UBR4: variants seen among roughly 807,000 people sequenced by gnomAD.
UBR4 encodes the protein ubiquitin protein ligase E3 component n-recognin 4.
A neutral mutation model predicts 575.6 loss-of-function variants in UBR4; 124 were observed. That is an observed-to-expected ratio of 0.22 (90% CI 0.19 to 0.25). The LOEUF is 0.25. UBR4 is among the 10% of genes least tolerant of loss of function. The pLI, the probability that UBR4 is intolerant of heterozygous loss-of-function variation, is 1.00. For synonymous variants in UBR4, 2,455 were observed against 2,473.7 expected (o/e 0.99, Z 0.22); for missense variants, 4,818 against 6,478.8 (o/e 0.74, Z 8.80).
At chr1:19,127,122 T>TA (rs1202352643) in intron 63 of UBR4, among the ~76,000 whole-genome samples, 2 of 152,060 alleles carry the variant, frequency 1.3e-5, no homozygotes, top group East Asian at 1.9e-4. Context: ...ATCACATGCA[T>TA]AAAAAAGGAG....
Position 19,209,161 on chromosome 1 carries a change from T to C in UBR4, c.176+912A>G, listed in dbSNP as rs562349624. Among the ~76,000 whole-genome samples the C allele has an allele frequency of 3.6e-4, 55 of 152,348 alleles. No homozygotes were observed. The South Asian group carries it at 0.011, about 30-fold the overall frequency. ...TTAACCTCTGGATAGCAGCTAGATATACCCTTGTCATCGTGAAGCTAAAAT... is the reference window on the plus strand; with the variant it reads ...TTAACCTCTGGATAGCAGCTAGATACACCCTTGTCATCGTGAAGCTAAAAT... On this transcript the variant is annotated intron_variant, in intron 1 of 105. Coordinates refer to ENST00000375254, the MANE Select transcript of UBR4 (RefSeq NM_020765.3).
chr1:19,200,850 A>T (rs1398584221), intron 2 of UBR4, among the ~76,000 whole-genome samples: 1 of 152,194 alleles, frequency 6.6e-6, no homozygotes, highest in Non-Finnish European at 1.5e-5. Context: ...TTGCTTAGCA[A>T]ACTGTTCAAA....
At chr1:19,137,839 C>T (rs980289347) in intron 60 of UBR4, among the ~76,000 whole-genome samples, 168 bp downstream of exon 60, 1 of 152,194 alleles carries the variant, frequency 6.6e-6, no homozygotes, top group African/African-American at 2.4e-5. Flanking sequence ...CAAAGACAGA[C>T]CTAGAGCACT....
chr1:19,096,500 A>T (rs762934839), intron 92 of UBR4, 23 bp downstream of exon 92: 18 of 1,608,008 alleles, frequency 1.1e-5, no homozygotes, highest in Non-Finnish European at 1.5e-5. Flanking sequence ...GCTGGCCCCC[A>T]CAACTTGCTG....
At chr1:19,115,301 A>G (rs12143414) in intron 74 of UBR4, 97 bp downstream of exon 74, 3 of 1,500,512 alleles carry the variant, frequency 2.0e-6, no homozygotes, top group African/African-American at 1.4e-5. Flanking sequence ...AAATGTTCTG[A>G]GGGAATCAGA....
At chr1:19,103,522 G>A (rs1008342679) in intron 87 of UBR4, among the ~76,000 whole-genome samples, 1 of 152,114 alleles carries the variant, frequency 6.6e-6, no homozygotes, top group African/African-American at 2.4e-5. Context: ...CCAAGATCGC[G>A]TCACTGCACT....
rs545538330 is a variant in UBR4, at chr1:19,079,281, C to T, written c.15234-1215G>A. 3 of 152,246 alleles carry T rather than the reference C, an allele frequency of 2.0e-5. No homozygotes were observed. The East Asian group carries it at 5.8e-4, about 29-fold the overall frequency. The allele number at this position is 152,246 out of a possible 1,614,324, so 9.4% of individuals were successfully genotyped here. ...CAAATAATATTAAATGGGGACAATT[C>T]CCTCTCTACTGAAATATGCTTCCTG... On this transcript the variant is annotated intron_variant, in intron 103 of 105. Coordinates refer to ENST00000375254, the MANE Select transcript of UBR4 (RefSeq NM_020765.3).
chr1:19,155,087 A>C lies in UBR4; in HGVS notation c.6301-12T>G. The C allele has an allele frequency of 6.2e-7, 1 of 1,613,098 alleles. No homozygotes were observed. Among genetic ancestry groups the C allele is most frequent in the Non-Finnish European group, 8.5e-7 (1 of 1,179,616 alleles). On this transcript the variant is annotated splice_polypyrimidine_tract_variant and intron_variant, in intron 43 of 105. Coordinates refer to ENST00000375254, the MANE Select transcript of UBR4 (RefSeq NM_020765.3). ...TGGCTGTTACTGTCCTGCTGGCACAAAGACACATATTTGCAGTAATTCATG... is the reference window on the plus strand; with the variant it reads ...TGGCTGTTACTGTCCTGCTGGCACACAGACACATATTTGCAGTAATTCATG...
At chr1:19,193,187 A>C (rs1213212703) in intron 9 of UBR4, among the ~76,000 whole-genome samples, 1 of 152,226 alleles carries the variant, frequency 6.6e-6, no homozygotes, top group Non-Finnish European at 1.5e-5. Flanking sequence ...AGGCCCTCAA[A>C]CATATTTGCT....
At chr1:19,174,482 C>T in intron 21 of UBR4, 35 bp from the exon 22 acceptor site, 1 of 1,598,424 alleles carries the variant, frequency 6.3e-7, no homozygotes, top group Non-Finnish European at 8.5e-7. Flanking sequence ...CATTTCCTTA[C>T]TTTTAAAGTA....
At chr1:19,085,565 T>C (rs2076933162) in intron 101 of UBR4, among the ~76,000 whole-genome samples, 1 of 152,196 alleles carries the variant, frequency 6.6e-6, no homozygotes, top group East Asian at 1.9e-4. Flanking sequence ...ATGCTCTCCA[T>C]TGTCACTGCC....
intron 104 of UBR4, among the ~76,000 whole-genome samples, chr1:19,077,506 G>A (rs181839344): frequency 1.3e-5 from 2 of 152,352 alleles, no homozygotes; most frequent in East Asian, 3.9e-4. Flanking sequence ...GGCCAAGGCA[G>A]GCGGATCACC....
chr1:19,128,044 G>T (rs543069906), intron 62 of UBR4, among the ~76,000 whole-genome samples, 167 bp downstream of exon 62: 4 of 152,094 alleles, frequency 2.6e-5, no homozygotes, highest in Admixed American at 6.5e-5. Flanking sequence ...AACTATGCTC[G>T]GGCCAAAGCA....
rs1370392870 is a variant in UBR4 at position 19,112,381 on chromosome 1, C to G, written c.11801+143G>C. On this transcript the variant is annotated intron_variant, in intron 78 of 105. Transcript: ENST00000375254. ...AAGCTCGCTCACCTACACCCTGTGT[C>G]TCTTTCCATCTTTCCTTTGTTATAA... 4 of 973,484 alleles carry G rather than the reference C, an allele frequency of 4.1e-6. No individual in the cohort carries two copies. In the Admixed American group the frequency reaches 1.1e-4, roughly 26 times the overall value. 60.3% of individuals were successfully genotyped at this position (973,484 alleles called of 1,614,324 possible).
intron 2 of UBR4, among the ~76,000 whole-genome samples, chr1:19,201,364 C>T (rs1223888534): frequency 6.6e-6 from 1 of 152,138 alleles, no homozygotes; most frequent in African/African-American, 2.4e-5. Context: ...TGAGTGGCTG[C>T]TAACTCCAGA....
At chr1:19,200,872 G>C (rs1326513208) in intron 2 of UBR4, among the ~76,000 whole-genome samples, 2 of 152,042 alleles carry the variant, frequency 1.3e-5, no homozygotes, top group African/African-American at 4.8e-5. Context: ...AAACAAATAT[G>C]GGGACTCCTG....
At chr1:19,085,701 C>G (rs970973249) in intron 101 of UBR4, among the ~76,000 whole-genome samples, 4 of 152,142 alleles carry the variant, frequency 2.6e-5, no homozygotes, top group Non-Finnish European at 2.9e-5. Flanking sequence ...CTATTCTTAT[C>G]TGGGTTTTTA....
At chr1:19,103,569 A>T (rs1005255590) in intron 87 of UBR4, among the ~76,000 whole-genome samples, 1 of 152,270 alleles carries the variant, frequency 6.6e-6, no homozygotes, top group Non-Finnish European at 1.5e-5. Flanking sequence ...TGGTCTCAAA[A>T]AATGAAAAAT....
chr1:19,162,747 A>C, intron 34 of UBR4, 136 bp from the exon 35 acceptor site: 2 of 1,125,282 alleles, frequency 1.8e-6, no homozygotes, highest in Non-Finnish European at 2.4e-6. Context: ...GTGTGTTTTT[A>C]TTTATTAACC....
Sources: allele counts gnomAD v4.1 joint callset (sites outside exome capture counted in the v4.1 genomes callset), GRCh38; gene constraint gnomAD v4.1.1; transcripts MANE v1.5; gene names NCBI Gene and HGNC (gene_info 2026-07-23, HGNC 2026-07-21).